APBA2: variants seen among roughly 807,000 people sequenced by gnomAD.
APBA2 encodes the protein amyloid beta precursor protein binding family A member 2.
A neutral mutation model predicts 75.0 loss-of-function variants in APBA2; 30 were observed. That is an observed-to-expected ratio of 0.40 (90% CI 0.30 to 0.54). The LOEUF (loss-of-function observed/expected upper bound fraction) is 0.54. Ranked by LOEUF, APBA2 falls within the 20% of genes least tolerant of loss-of-function variation. The pLI is 0.49. For synonymous variants in APBA2, 444 were observed against 409.6 expected, an observed-to-expected ratio of 1.08 and a Z score of -1.01; for missense variants, 801 against 1,016.1, an observed-to-expected ratio of 0.79 and a Z score of 2.88.
At chr15:29,069,723 T>TCGTC (rs2042535841) in intron 4 of APBA2, among the ~76,000 whole-genome samples, 1 of 152,242 alleles carries the variant, frequency 6.6e-6, no homozygotes, top group African/African-American at 2.4e-5. Context: ...GTTGCATGCA[T>TCGTC]CGTCCTGTCC....
intron 1 of APBA2, among the ~76,000 whole-genome samples, chr15:28,892,035 A>G (rs2032162684): frequency 6.6e-6 from 1 of 152,146 alleles, no homozygotes; most frequent in Admixed American, 6.5e-5. Context: ...AGCTCCATTC[A>G]TGGTTAGTGT....
At chr15:29,110,092 T>A (rs2044648489) in intron 13 of APBA2, among the ~76,000 whole-genome samples, 2 of 152,250 alleles carry the variant, frequency 1.3e-5, no homozygotes, top group Non-Finnish European at 2.9e-5. Context: ...GCTGGAGCCC[T>A]GTCTGCAGCT....
intron 2 of APBA2, among the ~76,000 whole-genome samples, chr15:28,975,841 AACAAT>A (rs2152759376): frequency 6.6e-6 from 1 of 152,334 alleles, no homozygotes; most frequent in African/African-American, 2.4e-5. Context: ...CTCAAAACAA[AACAAT>A]ACAAGTTTGA....
At chr15:28,899,896 T>C (rs1330104777) in intron 1 of APBA2, among the ~76,000 whole-genome samples, 1 of 152,186 alleles carries the variant, frequency 6.6e-6, no homozygotes, top group Admixed American at 6.5e-5. Context: ...TGTAATATAC[T>C]ATGAAAAAAC....
At chr15:29,024,808 C>T (rs4779692) in intron 3 of APBA2, among the ~76,000 whole-genome samples, 55,026 of 151,970 alleles carry the variant, frequency 0.36, 16,214 homozygotes, top group African/African-American at 0.79. Flanking sequence ...GAGACCCAAA[C>T]TAGAGGGTAG....
intron 2 of APBA2, among the ~76,000 whole-genome samples, chr15:28,952,287 T>C (rs540800925): frequency 1.1e-4 from 17 of 152,162 alleles, no homozygotes; most frequent in Admixed American, 8.5e-4. Context: ...GGAATGACTT[T>C]GAGAGCCTGA....
At chr15:29,013,269 C>T (rs2039490581) in intron 3 of APBA2, among the ~76,000 whole-genome samples, 1 of 141,430 alleles carries the variant, frequency 7.1e-6, no homozygotes. Flanking sequence ...GAAAATGAGT[C>T]ATTCTTTTTT....
chr15:28,946,000 G>A (rs2035530105), intron 2 of APBA2, among the ~76,000 whole-genome samples: 1 of 152,180 alleles, frequency 6.6e-6, no homozygotes, highest in African/African-American at 2.4e-5. Context: ...TTGAAGCAGT[G>A]GATAACAAGC....
Position 29,117,341 on chromosome 15 carries a change from A to ATGTT in APBA2, c.*216_*219dup, listed in dbSNP as rs985785488. On this transcript the variant is annotated 3_prime_UTR_variant, in exon 15 of 15. Coordinates refer to ENST00000683413, the MANE Select transcript of APBA2 (RefSeq NM_001353788.2). ...TTATCAAAGGAGAGTCACAGAACAA[A>ATGTT]TGTTTGTTTGTAAAGCGTTCCAAGT... The ATGTT allele has an allele frequency of 1.5e-5, 9 of 601,230 alleles. No homozygotes were observed. Among genetic ancestry groups the ATGTT allele is most frequent in the Non-Finnish European group, 2.4e-5 (8 of 337,648 alleles). 37.2% of individuals were successfully genotyped at this position (601,230 alleles called of 1,614,324 possible). A position where few individuals can be genotyped will look rare whatever the true frequency, so the allele number is the denominator to read the frequency against.
intron 2 of APBA2, among the ~76,000 whole-genome samples, chr15:28,959,123 G>C (rs966446741): frequency 1.3e-5 from 2 of 152,084 alleles, no homozygotes; most frequent in African/African-American, 4.8e-5. Context: ...CGAGTAGCTG[G>C]GACTGCAGGT....
chr15:28,973,194 A>T (rs2037161804), intron 2 of APBA2, among the ~76,000 whole-genome samples: 1 of 152,244 alleles, frequency 6.6e-6, no homozygotes, highest in Admixed American at 6.5e-5. Flanking sequence ...GTGATATCAC[A>T]ATAGGTAAAG....
At chr15:28,942,749 G>A (rs974660969) in intron 2 of APBA2, among the ~76,000 whole-genome samples, 3 of 152,210 alleles carry the variant, frequency 2.0e-5, no homozygotes, top group South Asian at 2.1e-4. Flanking sequence ...CCGAGTGAGC[G>A]TCTGTTGGAG....
intron 10 of APBA2, among the ~76,000 whole-genome samples, chr15:29,103,969 G>T (rs553707883): frequency 6.6e-6 from 1 of 152,332 alleles, no homozygotes; most frequent in South Asian, 2.1e-4. Context: ...GGGTCTGTGC[G>T]CGCGGCAGAG....
intron 4 of APBA2, among the ~76,000 whole-genome samples, chr15:29,066,054 G>A (rs1202811280): frequency 6.6e-6 from 1 of 152,140 alleles, no homozygotes; most frequent in Non-Finnish European, 1.5e-5. Flanking sequence ...CCTGTCCTTC[G>A]GCCCATGTGC....
At chr15:29,059,600 T>C (rs569759081) in intron 4 of APBA2, among the ~76,000 whole-genome samples, 2 of 152,318 alleles carry the variant, frequency 1.3e-5, no homozygotes, top group South Asian at 4.1e-4. Context: ...ATTAATTATT[T>C]ATAAGAAATC....
chr15:29,099,361 C>T (rs565647135), intron 9 of APBA2, among the ~76,000 whole-genome samples: 15 of 152,308 alleles, frequency 9.8e-5, no homozygotes, highest in African/African-American at 2.6e-4. Context: ...ATCAGCAAAG[C>T]GGATGCAGGC....
intron 4 of APBA2, among the ~76,000 whole-genome samples, chr15:29,065,661 A>G (rs2042349685): frequency 6.6e-6 from 1 of 152,162 alleles, no homozygotes; most frequent in Non-Finnish European, 1.5e-5. Flanking sequence ...CCAATTCCCC[A>G]GTCAGCCTTC....
chr15:29,019,032 C>T (rs964988017), intron 3 of APBA2, among the ~76,000 whole-genome samples: 29 of 152,288 alleles, frequency 1.9e-4, no homozygotes, highest in African/African-American at 6.0e-4. Flanking sequence ...TATGGTATAA[C>T]CTTCTCCCAC....
At chr15:28,887,969 G>A (rs2031867520) in intron 1 of APBA2, among the ~76,000 whole-genome samples, 1 of 152,122 alleles carries the variant, frequency 6.6e-6, no homozygotes, top group Non-Finnish European at 1.5e-5. Flanking sequence ...TGAGTCCCAC[G>A]GGGTGTGAGT....
Sources: allele counts gnomAD v4.1 joint callset (sites outside exome capture counted in the v4.1 genomes callset), GRCh38; gene constraint gnomAD v4.1.1; transcripts MANE v1.5; gene names NCBI Gene and HGNC (gene_info 2026-07-23, HGNC 2026-07-21).